The following RBBP8 variants were observed in gnomAD, a reference collection of about 807,000 sequenced individuals.
RBBP8 encodes DNA endonuclease RBBP8.
In RBBP8, 88 loss-of-function variants were observed where a neutral mutation model predicts 108.3. The observed-to-expected ratio is 0.81, with a 90% CI of 0.68 to 0.97. RBBP8 has a LOEUF of 0.97. Ranked by LOEUF, RBBP8 falls within the 50% of genes least tolerant of loss-of-function variation. The pLI is 0.00. For synonymous variants in RBBP8, 332 were observed against 348.2 expected (o/e 0.95, Z 0.52); for missense variants, 1,023 against 1,049.0 (o/e 0.98, Z 0.34).
chr18:22,966,370 T>C (rs545477582), intron 4 of RBBP8, among the ~76,000 whole-genome samples: 1 of 152,310 alleles, frequency 6.6e-6, no homozygotes, highest in Non-Finnish European at 1.5e-5. Flanking sequence ...CTATTAATGC[T>C]ACATATGACT....
chr18:22,973,399 T>C (rs908260912), intron 5 of RBBP8, among the ~76,000 whole-genome samples: 2 of 152,202 alleles, frequency 1.3e-5, no homozygotes, highest in Admixed American at 1.3e-4. Context: ...TAAACCATCT[T>C]AATCAGAAAT....
At chr18:22,985,012 C>G in intron 8 of RBBP8, 22 bp downstream of exon 8, 1 of 1,608,874 alleles carries the variant, frequency 6.2e-7, no homozygotes. Flanking sequence ...ACTGAGATTA[C>G]TTTACAAGTT....
At chr18:22,996,233 C>A (rs2045854756) in intron 12 of RBBP8, 141 bp from the exon 13 acceptor site, 1 of 1,358,618 alleles carries the variant, frequency 7.4e-7, no homozygotes, top group Non-Finnish European at 9.7e-7. Flanking sequence ...TGTGAGAGTT[C>A]TTTATATATC....
At chr18:23,018,437 T>C (rs1401490761) in intron 17 of RBBP8, among the ~76,000 whole-genome samples, 1 of 152,200 alleles carries the variant, frequency 6.6e-6, no homozygotes, top group African/African-American at 2.4e-5. Context: ...GTCTTGGATG[T>C]TGAAGTAGAT....
rs1330996412 is a variant in RBBP8 at position 22,996,076 on chromosome 18, G to T, written c.1940-298G>T. ...ATAGCTTTTTGATTTTTGCCATCTC[G>T]TGGTTTTGGTTTGCATTTCCTTGAC... On this transcript the variant is annotated intron_variant, in intron 12 of 18. Coordinates refer to ENST00000327155, the MANE Select transcript of RBBP8 (RefSeq NM_002894.3). Among the ~76,000 whole-genome samples, 16 of 152,126 alleles carry T rather than the reference G, an allele frequency of 1.1e-4. 1 individual carries two copies. The highest frequency in any genetic ancestry group is 1.0e-3 in the Admixed American group (16 of 15,256).
chr18:22,996,531 C>A, intron 13 of RBBP8, 69 bp downstream of exon 13: 1 of 1,581,996 alleles, frequency 6.3e-7, no homozygotes, highest in South Asian at 1.1e-5. Context: ...AACCTCCTCT[C>A]GTGACTCACT....
At chr18:22,973,615 A>G (rs961376105) in intron 5 of RBBP8, among the ~76,000 whole-genome samples, 31 of 152,228 alleles carry the variant, frequency 2.0e-4, no homozygotes, top group African/African-American at 7.5e-4. Context: ...TATATGTACT[A>G]ACAAATCAGT....
In RBBP8 at chr18:23,016,825, C is replaced by G. The variant is rs773934541; in HGVS notation, c.2358-3C>G. 9 of 1,604,720 alleles carry G rather than the reference C, an allele frequency of 5.6e-6. No individual in the cohort carries two copies. The highest frequency in any genetic ancestry group is 6.8e-6 in the Non-Finnish European group (8 of 1,171,758). On this transcript the variant is annotated splice_polypyrimidine_tract_variant and splice_region_variant and intron_variant, in intron 16 of 18. Coordinates refer to ENST00000327155, the MANE Select transcript of RBBP8 (RefSeq NM_002894.3). ...TTGTTAATTTAATTCATTTTTCCCC[C>G]AGAGAGACTAGCTTGCAAAATTTTC...
At chr18:23,025,590 C>G (rs1391787503) in intron 18 of RBBP8, among the ~76,000 whole-genome samples, 1 of 152,138 alleles carries the variant, frequency 6.6e-6, no homozygotes, top group Non-Finnish European at 1.5e-5. Flanking sequence ...CTTAGAGACA[C>G]CTTAGGAGAT....
chr18:23,008,034 G>A (rs58279831), intron 16 of RBBP8, among the ~76,000 whole-genome samples: 25,883 of 151,768 alleles, frequency 0.17, 3,024 homozygotes, highest in African/African-American at 0.34. Context: ...ATATGGTCTC[G>A]ATCTCCTGAC....
At chr18:22,931,517 T>C (rs1260227652), upstream of RBBP8, among the ~76,000 whole-genome samples, 1 of 152,226 alleles carries the variant, frequency 6.6e-6, no homozygotes, top group African/African-American at 2.4e-5. Context: ...AGATGTATTT[T>C]TATTCTATTT....
At chr18:22,947,543 C>T (rs1911672856) in intron 3 of RBBP8, among the ~76,000 whole-genome samples, 1 of 152,006 alleles carries the variant, frequency 6.6e-6, no homozygotes, top group Admixed American at 6.6e-5. Flanking sequence ...TGTTCAGTTA[C>T]CTTAGAAAGA....
chr18:22,979,791 T>G (rs1356338140), intron 6 of RBBP8, among the ~76,000 whole-genome samples: 2 of 152,232 alleles, frequency 1.3e-5, no homozygotes, highest in Admixed American at 1.3e-4. Context: ...TCCACACAAA[T>G]TTATTCTCTA....
chr18:22,936,760 G>A lies in RBBP8; in HGVS notation c.-92G>A. On this transcript the variant is annotated 5_prime_UTR_variant, in exon 2 of 19. Transcript: ENST00000327155. ...TTGCAATCTGTCATTTCAGGTATTT[G>A]ACCTGTCCAAAGACGACTTGATACC... 7.0e-7 allele frequency: 1 copy of A among 1,421,356 alleles called. No homozygotes were observed. The highest frequency in any genetic ancestry group is 9.9e-7 in the Non-Finnish European group (1 of 1,009,902). The allele number at this position is 1,421,356 out of a possible 1,614,324, so 88.0% of individuals were successfully genotyped here.
upstream of RBBP8, among the ~76,000 whole-genome samples, chr18:22,931,336 C>T (rs569781503): frequency 3.2e-4 from 49 of 152,028 alleles, 2 homozygotes; most frequent in South Asian, 5.0e-3. Context: ...GGAAATAAAG[C>T]CAAAGGGGTA....
intron 4 of RBBP8, among the ~76,000 whole-genome samples, chr18:22,956,528 T>C (rs1598660861): frequency 6.6e-6 from 1 of 152,148 alleles, no homozygotes; most frequent in Admixed American, 6.6e-5. Flanking sequence ...ATAGAGACTG[T>C]CTTGCTGCGT....
intron 4 of RBBP8, among the ~76,000 whole-genome samples, chr18:22,965,552 T>C (rs1053874383): frequency 1.3e-5 from 2 of 152,082 alleles, no homozygotes; most frequent in African/African-American, 4.8e-5. Flanking sequence ...ATCTGAGAAT[T>C]TGGTGTGTAT....
chr18:22,989,696 G>A (rs541692512), intron 9 of RBBP8, among the ~76,000 whole-genome samples: 1 of 151,670 alleles, frequency 6.6e-6, no homozygotes, highest in South Asian at 2.1e-4. Flanking sequence ...GGATCTCATT[G>A]TGTTGCCCAG....
At chr18:22,915,916 G>A (rs149278268) in intron 2 of RBBP8, among the ~76,000 whole-genome samples, 160 of 152,074 alleles carry the variant, frequency 1.1e-3, no homozygotes, top group African/African-American at 3.6e-3. Context: ...TGTATTTTGG[G>A]AGAGGATTTT....
Sources: gnomAD v4.1 joint callset for allele counts (sites outside exome capture counted in the v4.1 genomes callset) on GRCh38, gnomAD v4.1.1 for gene constraint, MANE v1.5 for transcripts, NCBI Gene and HGNC (gene_info 2026-07-23, HGNC 2026-07-21) for gene names.